Variants in EPHA6 observed in about 807,000 individuals in gnomAD.
EPHA6 encodes ephrin type-A receptor 6.
EPHA6 carries 50 observed loss-of-function variants against 112.0 expected under a neutral mutation model. The ratio of observed to expected loss-of-function variants is 0.45; its 90% CI spans 0.36 to 0.56. EPHA6 has a LOEUF of 0.56. Ranked by LOEUF, EPHA6 falls within the 20% of genes least tolerant of loss-of-function variation. The pLI is 0.00. For missense variants in EPHA6, 1,280 were observed against 1,417.4 expected (o/e 0.90, Z 1.56); for synonymous variants, 529 against 490.7 (o/e 1.08, Z -1.03).
chr3:97,324,775 G>A (rs1183895974), intron 5 of EPHA6, among the ~76,000 whole-genome samples: 2 of 151,858 alleles, frequency 1.3e-5, no homozygotes, highest in East Asian at 1.9e-4. Context: ...CCTGACCTCA[G>A]GTGATCCACC....
chr3:96,919,765 G>T (rs1576033855), intron 2 of EPHA6, among the ~76,000 whole-genome samples: 1 of 151,736 alleles, frequency 6.6e-6, no homozygotes, highest in Non-Finnish European at 1.5e-5. Context: ...AGCCTTTTGT[G>T]CTATTAAGTA....
chr3:97,247,394 G>A (rs2079015100), intron 5 of EPHA6, among the ~76,000 whole-genome samples: 1 of 151,928 alleles, frequency 6.6e-6, no homozygotes, highest in Non-Finnish European at 1.5e-5. Flanking sequence ...TCACAAATAT[G>A]TAGTTAGTAC....
intron 4 of EPHA6, among the ~76,000 whole-genome samples, chr3:97,232,477 T>A (rs1370077768): frequency 6.6e-6 from 1 of 152,162 alleles, no homozygotes; most frequent in Non-Finnish European, 1.5e-5. Context: ...GATAATAATA[T>A]ACTGAATGCC....
At chr3:97,413,604 AT>A (rs2087891439) in intron 6 of EPHA6, among the ~76,000 whole-genome samples, 1 of 152,100 alleles carries the variant, frequency 6.6e-6, no homozygotes, top group African/African-American at 2.4e-5. Context: ...AAATGAGGCT[AT>A]GATACAAGGT....
chr3:97,202,865 A>G (rs1369498253), intron 3 of EPHA6, among the ~76,000 whole-genome samples: 7 of 152,140 alleles, frequency 4.6e-5, no homozygotes, highest in Admixed American at 4.6e-4. Context: ...AAGTCAACTT[A>G]TAGTATTATG....
At chr3:97,085,211 T>C (rs1267589852) in intron 3 of EPHA6, among the ~76,000 whole-genome samples, 2 of 152,124 alleles carry the variant, frequency 1.3e-5, no homozygotes, top group Admixed American at 6.6e-5. Context: ...CTTATACAAG[T>C]TAGATGCACA....
intron 3 of EPHA6, among the ~76,000 whole-genome samples, chr3:97,006,480 A>G (rs912997523): frequency 6.6e-6 from 1 of 150,778 alleles, no homozygotes; most frequent in Non-Finnish European, 1.5e-5. Context: ...TATTGTGTCC[A>G]TTTGATTCTT....
intron 1 of EPHA6, among the ~76,000 whole-genome samples, chr3:96,821,454 G>T (rs1325886082): frequency 1.3e-5 from 2 of 151,442 alleles, no homozygotes; most frequent in African/African-American, 4.8e-5. Context: ...AACTTCTTAT[G>T]GGCTATACAG....
At chr3:97,236,712 A>C (rs1426170552) in intron 4 of EPHA6, among the ~76,000 whole-genome samples, 1 of 152,142 alleles carries the variant, frequency 6.6e-6, no homozygotes, top group Non-Finnish European at 1.5e-5. Flanking sequence ...ATTGGGAAGA[A>C]AGCATAAAAC....
chr3:97,090,809 C>CTCTAA (rs1475119854), intron 3 of EPHA6, among the ~76,000 whole-genome samples: 1 of 151,862 alleles, frequency 6.6e-6, no homozygotes, highest in African/African-American at 2.4e-5. Flanking sequence ...TTTCTAGAAA[C>CTCTAA]TTAGAGAGTT....
At chr3:97,383,682 C>T (rs2085887243) in intron 5 of EPHA6, among the ~76,000 whole-genome samples, 1 of 151,956 alleles carries the variant, frequency 6.6e-6, no homozygotes, top group African/African-American at 2.4e-5. Context: ...AATGCTTTTC[C>T]AAAAAGTGAT....
chr3:97,351,223 A>G (rs1038623915), intron 5 of EPHA6, among the ~76,000 whole-genome samples: 4 of 152,318 alleles, frequency 2.6e-5, no homozygotes, highest in Admixed American at 6.5e-5. Flanking sequence ...CTCATTTGGC[A>G]TGCCAACAGA....
At chr3:96,988,919 T>C (rs2043117917) in intron 3 of EPHA6, among the ~76,000 whole-genome samples, 1 of 152,166 alleles carries the variant, frequency 6.6e-6, no homozygotes, top group African/African-American at 2.4e-5. Context: ...CTAATAAGTA[T>C]ATACATTCAA....
chr3:96,936,111 T>G (rs1358573042), intron 2 of EPHA6, among the ~76,000 whole-genome samples: 1 of 152,102 alleles, frequency 6.6e-6, no homozygotes, highest in Non-Finnish European at 1.5e-5. Context: ...TGGATGTACA[T>G]GCTGCAGCTC....
intron 4 of EPHA6, among the ~76,000 whole-genome samples, chr3:97,227,151 A>T (rs2078382100): frequency 1.3e-5 from 2 of 152,134 alleles, no homozygotes; most frequent in South Asian, 2.1e-4. Flanking sequence ...GATTTTTTTT[A>T]AAGTTTTGTT....
intron 6 of EPHA6, among the ~76,000 whole-genome samples, chr3:97,429,552 A>G (rs1257373720): frequency 6.6e-6 from 1 of 152,118 alleles, no homozygotes; most frequent in African/African-American, 2.4e-5. Flanking sequence ...ATCAGTTTTT[A>G]TAAGGACCTC....
intron 3 of EPHA6, among the ~76,000 whole-genome samples, chr3:97,161,319 C>T (rs554396504): frequency 2.0e-5 from 3 of 152,264 alleles, no homozygotes; most frequent in Admixed American, 2.0e-4. Context: ...GCCTGTACTA[C>T]AGACCTGTAG....
chr3:97,077,802 A>G (rs1414758031), intron 3 of EPHA6, among the ~76,000 whole-genome samples: 2 of 152,230 alleles, frequency 1.3e-5, no homozygotes, highest in East Asian at 1.9e-4. Flanking sequence ...ATTGTTGGAC[A>G]TTTGGCTTGG....
intron 3 of EPHA6, among the ~76,000 whole-genome samples, chr3:97,213,199 A>G (rs553891094): frequency 7.9e-5 from 12 of 152,266 alleles, no homozygotes; most frequent in Non-Finnish European, 1.5e-4. Context: ...ATCCCTTGGC[A>G]AGAAGGCTGA....
Sources: gnomAD v4.1 joint callset for allele counts (sites outside exome capture counted in the v4.1 genomes callset) on GRCh38, gnomAD v4.1.1 for gene constraint, MANE v1.5 for transcripts, NCBI Gene and HGNC (gene_info 2026-07-23, HGNC 2026-07-21) for gene names.